The following ZNF624 variants were observed in gnomAD, a reference collection of about 807,000 sequenced individuals.
The protein encoded by ZNF624 is zinc finger protein 624.
A neutral mutation model predicts 74.7 loss-of-function variants in ZNF624; 43 were observed. That is an observed-to-expected ratio of 0.58 (90% confidence interval 0.45 to 0.74). The LOEUF (loss-of-function observed/expected upper bound fraction) is 0.74, where lower values mean the gene tolerates loss of function less well. Ranked by LOEUF, ZNF624 falls within the 30% of genes least tolerant of loss-of-function variation. The probability of loss-of-function intolerance (pLI) is 0.00; values close to 1 mark genes in which losing one functional copy is unlikely to be tolerated. For missense variants in ZNF624, 820 were observed against 1,030.0 expected (o/e 0.80, Z 2.79); for synonymous variants, 331 against 341.3 (o/e 0.97, Z 0.33).
intron 2 of ZNF624, among the ~76,000 whole-genome samples, chr17:16,649,116 A>G (rs547828276): frequency 6.6e-6 from 1 of 152,306 alleles, no homozygotes; most frequent in South Asian, 2.1e-4. Context: ...TTACTTTTGT[A>G]CATTTTACCT....
At chr17:16,648,175 C>T (rs1909638864) in intron 2 of ZNF624, among the ~76,000 whole-genome samples, 2 of 151,888 alleles carry the variant, frequency 1.3e-5, no homozygotes, top group African/African-American at 4.8e-5. Flanking sequence ...AACTCCTGGG[C>T]TCAGATAATC....
At chr17:16,640,429 T>G (rs192417838) in intron 3 of ZNF624, among the ~76,000 whole-genome samples, 6 of 150,346 alleles carry the variant, frequency 4.0e-5, no homozygotes, top group Admixed American at 4.0e-4. Context: ...GGAAATAAAA[T>G]AGAGAACAGA....
At position 16,624,280 on chromosome 17, in the gene ZNF624, G is replaced by A; in HGVS notation, c.606C>T (p.Gly202=). 3 of 1,614,072 alleles carry A rather than the reference G, an allele frequency of 1.9e-6. No individual in the cohort carries two copies. The highest frequency in any genetic ancestry group is 2.5e-6 in the Non-Finnish European group (3 of 1,179,988). The stretch of plus-strand genomic sequence containing the variant: ...GAATAAGAATAGATTCAAATCTAAA[G>A]CCTCTTTGACTAGTGGGAGTCTTCT... ...PLKKTPTSQR[G]FRFESILIPE... is the part of the protein sequence containing the mutation. Residue 202 remains glycine (G), a synonymous_variant, in exon 6 of 6, where the codon GGC becomes GGT. Coordinates refer to ENST00000311331, the MANE Select transcript of ZNF624 (RefSeq NM_020787.4).
Position 16,622,615 on chromosome 17 carries a change from A to G in ZNF624, c.2271T>C (p.Cys757=), listed in dbSNP as rs1303178667. The part of the protein sequence containing the change: ...SGEKPYKCDV[C]GKAFRRGSYL... ...AAGAACCCCTCCTGAAGGCTTTTCCACAGACATCACACTTATAGGGCTTCT... is the reference window on the plus strand; with the variant it reads ...AAGAACCCCTCCTGAAGGCTTTTCCGCAGACATCACACTTATAGGGCTTCT... The change falls in exon 6 of 6, where the codon TGT becomes TGC. Residue 757 remains cysteine, a synonymous_variant. Transcript: ENST00000311331. The G allele has an allele frequency of 1.2e-6, 2 of 1,613,974 alleles. No individual in the cohort carries two copies. The highest frequency in any genetic ancestry group is 4.5e-5 in the East Asian group (2 of 44,872).
At position 16,649,654 on chromosome 17, in the gene ZNF624, T is replaced by C. The variant is rs749117775; in HGVS notation, c.87+4A>G. 3.1e-6 allele frequency: 5 copies of C among 1,613,726 alleles called. No homozygotes were observed. In the East Asian group the frequency reaches 1.1e-4, roughly 36 times the overall value. On this transcript the variant is annotated splice_donor_region_variant and intron_variant, in intron 2 of 5. Transcript: ENST00000311331. ...TAGGTCAAAAACAGGGAATCCCAAC[T>C]TACCAGGCGTCCAACTGAGAAAAAC...
chr17:16,634,475 T>C (rs1909278989), intron 4 of ZNF624, among the ~76,000 whole-genome samples, 155 bp downstream of exon 4: 1 of 152,198 alleles, frequency 6.6e-6, no homozygotes, highest in Non-Finnish European at 1.5e-5. Context: ...TACTCTACAA[T>C]GGGCAGATCA....
chr17:16,624,462 T>C lies in ZNF624; in HGVS notation c.424A>G (p.Ile142Val), dbSNP rs776768848. 8.1e-6 allele frequency: 13 copies of C among 1,595,458 alleles called. No homozygotes were observed. The highest frequency in any genetic ancestry group is 4.5e-5 in the East Asian group (2 of 44,826). Residue 142 changes from isoleucine (I) to valine (V), a missense_variant, in exon 6 of 6, where the codon ATT (isoleucine) becomes GTT (valine). Coordinates refer to ENST00000311331, the MANE Select transcript of ZNF624 (RefSeq NM_020787.4). ...ATKKATRTKAISEDLSQEAIL... is the reference protein window; with the variant it reads ...ATKKATRTKAVSEDLSQEAIL... ...GCCTCCTGTGATAAATCTTCAGAAA[T>C]AGCCTTTGTTCGTGTAGCCTTCTTG...
At chr17:16,636,948 G>T (rs1486143368) in intron 3 of ZNF624, among the ~76,000 whole-genome samples, 2 of 152,144 alleles carry the variant, frequency 1.3e-5, no homozygotes, top group East Asian at 3.8e-4. Context: ...GTTTTTGCTG[G>T]TTCAACATGT....
chr17:16,623,190 T>C lies in ZNF624; in HGVS notation c.1696A>G (p.Met566Val), dbSNP rs1178254812. ...TGTATAATTAGAGAAGAAGAACGCATGAAGGCCTTTCCACATTCAGTACAT... is the reference window on the plus strand; with the variant it reads ...TGTATAATTAGAGAAGAAGAACGCACGAAGGCCTTTCCACATTCAGTACAT... ...YKCTECGKAF[M>V]RSSSLIIHQR... Residue 566 changes from methionine to valine, a missense_variant, in exon 6 of 6, where the codon ATG becomes GTG. Transcript: ENST00000311331. The surrounding 1 kb of genome is among the most constrained non-coding windows in gnomAD (Gnocchi z 5.3). The C allele has an allele frequency of 1.2e-6, 2 of 1,613,944 alleles. No individual in the cohort carries two copies. The highest frequency in any genetic ancestry group is 1.3e-5 in the African/African-American group (1 of 75,054).
intron 1 of ZNF624, among the ~76,000 whole-genome samples, chr17:16,651,393 G>A (rs907282909): frequency 6.7e-6 from 1 of 148,706 alleles, no homozygotes; most frequent in South Asian, 2.1e-4. Flanking sequence ...TTGTGTCACT[G>A]CACTCCTGCC....
At position 16,622,925 on chromosome 17, in the gene ZNF624, T is replaced by C; in HGVS notation, c.1961A>G (p.Tyr654Cys). The change falls in exon 6 of 6, where the codon TAC becomes TGC. Residue 654 changes from tyrosine to cysteine, a missense_variant. Coordinates refer to ENST00000311331, the MANE Select transcript of ZNF624 (RefSeq NM_020787.4). ...ATGGGTCCTCTGATGTACAATAAGGTATGATTTAGTCCTAAAGGACTTTCC... is the reference window on the plus strand; with the variant it reads ...ATGGGTCCTCTGATGTACAATAAGGCATGATTTAGTCCTAAAGGACTTTCC... ...DCGKSFRTKS[Y>C]LIVHQRTHTG... 4 of 1,614,038 alleles carry C rather than the reference T, an allele frequency of 2.5e-6. No homozygotes were observed. Among genetic ancestry groups the C allele is most frequent in the Non-Finnish European group, 3.4e-6 (4 of 1,179,962 alleles).
At chr17:16,617,665 G>T, downstream of ZNF624, 1 of 1,602,338 alleles carries the variant, frequency 6.2e-7, no homozygotes, top group Non-Finnish European at 8.5e-7. Context: ...TTGCGACGCG[G>T]GCCCCGGGCG....
intron 3 of ZNF624, 69 bp from the exon 4 acceptor site, chr17:16,634,825 A>G (rs1909289250): frequency 9.5e-6 from 14 of 1,472,090 alleles, no homozygotes; most frequent in Non-Finnish European, 1.1e-5. Context: ...TTATACATAA[A>G]AAACTGGGGA....
At position 16,636,558 on chromosome 17, in the gene ZNF624, C is replaced by T. The variant is rs181421358; in HGVS notation, c.154-1802G>A. ...TTTTAAAAATCAAAAATCTCAGGGCCGGGCGCCGTGGCTCATGCCTGTAAT... is the reference window on the plus strand; with the variant it reads ...TTTTAAAAATCAAAAATCTCAGGGCTGGGCGCCGTGGCTCATGCCTGTAAT... On this transcript the variant is annotated intron_variant, in intron 3 of 5. Coordinates refer to ENST00000311331, the MANE Select transcript of ZNF624 (RefSeq NM_020787.4). Among the ~76,000 whole-genome samples, 223 of 152,240 alleles carry T rather than the reference C, an allele frequency of 1.5e-3. 1 individual carries two copies. Among genetic ancestry groups the T allele is most frequent in the Non-Finnish European group, 1.2e-3 (81 of 68,020 alleles).
Position 16,622,356 on chromosome 17 carries a change from C to G in ZNF624, c.2530G>C (p.Ala844Pro). ...GTAAGGCTCGAACTACTCCTGAAGG[C>G]TTTTCCACATTCATTACATTTATAG... ...KPYKCNECGK[A>P]FRSSSSLTVH... The change falls in exon 6 of 6, where the codon GCC (alanine) becomes CCC (proline). Residue 844 changes from alanine (A) to proline (P), a missense_variant. By Grantham distance (27) the Ala-to-Pro change is conservative. Coordinates refer to ENST00000311331, the MANE Select transcript of ZNF624 (RefSeq NM_020787.4). 6.2e-7 allele frequency: 1 copy of G among 1,613,004 alleles called. No individual in the cohort carries two copies. Among genetic ancestry groups the G allele is most frequent in the Non-Finnish European group, 8.5e-7 (1 of 1,179,550 alleles).
the ZNF624 span, among the ~76,000 whole-genome samples, chr17:16,615,129 G>A: frequency 2.6e-5 from 4 of 152,056 alleles, no homozygotes; most frequent in Non-Finnish European, 4.4e-5. Flanking sequence ...ATGGAGTTTC[G>A]CTCTGTCGCC....
downstream of ZNF624, chr17:16,617,814 C>T (rs1447870170): frequency 8.1e-6 from 13 of 1,611,936 alleles, no homozygotes; most frequent in Non-Finnish European, 1.1e-5. Context: ...GCCATAGCCA[C>T]TGAAAAAGCG....
intron 5 of ZNF624, among the ~76,000 whole-genome samples, chr17:16,630,295 G>A (rs1909175174): frequency 6.6e-6 from 1 of 151,274 alleles, no homozygotes; most frequent in South Asian, 2.1e-4. Context: ...GGTGGCTATT[G>A]CTTGTAATCC....
At position 16,623,555 on chromosome 17, in the gene ZNF624, T is replaced by C. The variant is rs765819945; in HGVS notation, c.1331A>G (p.Tyr444Cys). 1 of 1,610,534 alleles carries C rather than the reference T, an allele frequency of 6.2e-7. No individual in the cohort carries two copies. Among genetic ancestry groups the C allele is most frequent in the Non-Finnish European group, 8.5e-7 (1 of 1,178,888 alleles). ...AGACTTCCCACACTCGTTGCACTGA[T>C]ATGGTTTCTCTTCAGTGTGGGTCTT... ...HQKTHTEEKP[Y>C]QCNECGKSFK... The change falls in exon 6 of 6, where the codon TAT becomes TGT. Residue 444 changes from tyrosine (Y) to cysteine (C), a missense_variant. Coordinates refer to ENST00000311331, the MANE Select transcript of ZNF624 (RefSeq NM_020787.4). The surrounding 1 kb of genome is among the most constrained non-coding windows in gnomAD (Gnocchi z 5.3).
Sources: gnomAD v4.1 joint callset for allele counts (sites outside exome capture counted in the v4.1 genomes callset) on GRCh38, gnomAD v4.1.1 for gene constraint, Gnocchi (gnomAD v3.1) non-coding constraint, MANE v1.5 for transcripts, NCBI Gene and HGNC (gene_info 2026-07-23, HGNC 2026-07-21) for gene names.